Variants in PPARD observed in about 807,000 individuals in gnomAD.
The protein encoded by PPARD is peroxisome proliferator activated receptor delta.
PPARD carries 6 observed loss-of-function variants against 39.5 expected under a neutral mutation model. That is an observed-to-expected ratio of 0.15 (90% confidence interval 0.08 to 0.30). The LOEUF (loss-of-function observed/expected upper bound fraction) is 0.30, where lower values mean the gene tolerates loss of function less well. PPARD is among the 10% of genes least tolerant of loss of function. The pLI is 1.00. For missense variants in PPARD, 397 were observed against 596.8 expected (o/e 0.67, Z 3.49); for synonymous variants, 210 against 231.3 (o/e 0.91, Z 0.83).
At chr6:35,396,645 G>A (rs1403290516) in intron 2 of PPARD, among the ~76,000 whole-genome samples, 3 of 150,774 alleles carry the variant, frequency 2.0e-5, no homozygotes, top group African/African-American at 4.9e-5. Flanking sequence ...CCTGGTTAAC[G>A]TGGTGAAATC....
At chr6:35,373,749 C>A (rs1762629104) in intron 2 of PPARD, among the ~76,000 whole-genome samples, 1 of 151,926 alleles carries the variant, frequency 6.6e-6, no homozygotes, top group Non-Finnish European at 1.5e-5. Context: ...CTCACAGCAG[C>A]CCTGACCTCC....
chr6:35,411,717 A>G (rs1377860071), intron 3 of PPARD, among the ~76,000 whole-genome samples: 1 of 152,188 alleles, frequency 6.6e-6, no homozygotes, highest in Non-Finnish European at 1.5e-5. Flanking sequence ...TAGTATGAAT[A>G]ACTCAACTAA....
At chr6:35,347,259 A>T in intron 2 of PPARD, 109 bp downstream of exon 2, 1 of 1,338,054 alleles carries the variant, frequency 7.5e-7, no homozygotes, top group Non-Finnish European at 1.0e-6. Flanking sequence ...TTATTCCCAG[A>T]TTCCAGGTTC....
Position 35,396,778 on chromosome 6 carries a change from C to G in PPARD, c.-101-14209C>G, listed in dbSNP as rs190969214. On this transcript the variant is annotated intron_variant, in intron 2 of 7. Coordinates refer to ENST00000360694, the MANE Select transcript of PPARD (RefSeq NM_006238.5). Reference sequence around the variant, plus strand: ...CCAGGAGGCAGAGGTTGCAGTGAGCCGAGATTGCACCACTGCACTCCAACC... The same window carrying G: ...CCAGGAGGCAGAGGTTGCAGTGAGCGGAGATTGCACCACTGCACTCCAACC... Among the ~76,000 whole-genome samples, 644 of 151,916 alleles carry G rather than the reference C, an allele frequency of 4.2e-3. 5 individuals carry two copies. The highest frequency in any genetic ancestry group is 0.015 in the African/African-American group (617 of 41,430).
At chr6:35,362,582 A>G (rs1761985628) in intron 2 of PPARD, among the ~76,000 whole-genome samples, 1 of 152,112 alleles carries the variant, frequency 6.6e-6, no homozygotes, top group Non-Finnish European at 1.5e-5. Context: ...AGGAAGGGTA[A>G]TGCCAGGGCT....
At position 35,423,660 on chromosome 6, in the gene PPARD, T is replaced by C. The variant is rs184527848; in HGVS notation, c.425-286T>C. On this transcript the variant is annotated intron_variant, in intron 5 of 7. Transcript: ENST00000360694. ...AAAGTCTGTCTTACCCCAGCTAGCG[T>C]AGCTCAGTCACTCAGTAAGTTAGAG... Among the ~76,000 whole-genome samples, 14 of 152,152 alleles carry C rather than the reference T, an allele frequency of 9.2e-5. No individual in the cohort carries two copies. In the East Asian group the frequency reaches 2.5e-3, roughly 27 times the overall value.
chr6:35,378,809 A>T (rs138684026), intron 2 of PPARD, among the ~76,000 whole-genome samples: 65 of 152,238 alleles, frequency 4.3e-4, no homozygotes, highest in African/African-American at 1.3e-3. Context: ...CTTAACAACT[A>T]AAAAGGGCAG....
intron 2 of PPARD, among the ~76,000 whole-genome samples, chr6:35,358,525 C>T (rs1045928297): frequency 5.9e-5 from 9 of 152,164 alleles, no homozygotes; most frequent in African/African-American, 2.2e-4. Context: ...CTTGGCTGAT[C>T]CCTGTTCTTA....
At chr6:35,400,798 A>G (rs1764651593) in intron 2 of PPARD, among the ~76,000 whole-genome samples, 1 of 141,480 alleles carries the variant, frequency 7.1e-6, no homozygotes, top group Non-Finnish European at 1.6e-5. Flanking sequence ...ATCTTGTCTT[A>G]AAAAAAAAAA....
At chr6:35,354,912 T>A (rs1057078158) in intron 2 of PPARD, among the ~76,000 whole-genome samples, 11 of 152,300 alleles carry the variant, frequency 7.2e-5, no homozygotes, top group African/African-American at 2.6e-4. Flanking sequence ...GTGACTCAGC[T>A]CCAGTGTTGA....
chr6:35,365,303 TG>T (rs1168386047), intron 2 of PPARD, among the ~76,000 whole-genome samples: 2 of 148,150 alleles, frequency 1.3e-5, no homozygotes, highest in Non-Finnish European at 3.0e-5. Context: ...AGCTAATTTT[TG>T]TGTGTGTGTG....
At chr6:35,398,587 A>G (rs1309597361) in intron 2 of PPARD, among the ~76,000 whole-genome samples, 1 of 152,190 alleles carries the variant, frequency 6.6e-6, no homozygotes, top group African/African-American at 2.4e-5. Flanking sequence ...TCAGAAAGAG[A>G]TGGAGCGTAG....
rs562684157 is a variant in PPARD at position 35,381,827 on chromosome 6, A to G, written c.-101-29160A>G. ...AGCAAGGTCTGCCGCCATTCATTCA[A>G]CATTAATTTAGCACCTACAATCTAC... On this transcript the variant is annotated intron_variant, in intron 2 of 7. Coordinates refer to ENST00000360694, the MANE Select transcript of PPARD (RefSeq NM_006238.5). 7.9e-5 allele frequency among the ~76,000 whole-genome samples: 12 copies of G among 152,336 alleles called. No individual in the cohort carries two copies. The East Asian group carries it at 1.7e-3, about 22-fold the overall frequency.
chr6:35,353,307 A>C (rs1454954796), intron 2 of PPARD, among the ~76,000 whole-genome samples: 1 of 152,160 alleles, frequency 6.6e-6, no homozygotes, highest in Admixed American at 6.5e-5. Flanking sequence ...CAGTGGTCTA[A>C]ATGTAAGGAA....
chr6:35,425,472 C>A lies in PPARD; in HGVS notation c.1079-360C>A. The A allele has an allele frequency of 9.5e-7, 1 of 1,053,166 alleles. No homozygotes were observed. Among genetic ancestry groups the A allele is most frequent in the Non-Finnish European group, 1.2e-6 (1 of 837,288 alleles). 65.2% of individuals were successfully genotyped at this position (1,053,166 alleles called of 1,614,324 possible). A position where few individuals can be genotyped will look rare whatever the true frequency, so the allele number is the denominator to read the frequency against. On this transcript the variant is annotated intron_variant, in intron 7 of 7. Transcript: ENST00000360694. The surrounding 1 kb of genome is among the most constrained non-coding windows in gnomAD (Gnocchi z 4.5). Reference sequence around the variant, plus strand: ...ATGATGACTCACTTGATCCTCACAACAACCCTGTGCAGGAAGAATGTTTTG... The same window carrying A: ...ATGATGACTCACTTGATCCTCACAAAAACCCTGTGCAGGAAGAATGTTTTG...
At chr6:35,352,069 G>A (rs955156535) in intron 2 of PPARD, among the ~76,000 whole-genome samples, 5 of 151,360 alleles carry the variant, frequency 3.3e-5, no homozygotes, top group African/African-American at 1.2e-4. Flanking sequence ...AGGTCTCCCT[G>A]TGTTGTCCAG....
Position 35,355,595 on chromosome 6 carries a change from CTTCTTTTTTTTTT to C in PPARD, c.-102+8448_-102+8460del, listed in dbSNP as rs1449370075. ...AAAAAAAAAGTGCTTTCTTCTTCTT[CTTCTTTTTTTTTT>C]TTTTTTTTTTTTTTTTTTTTTGAGA... is the stretch of plus-strand genomic sequence containing the variant. On this transcript the variant is annotated intron_variant, in intron 2 of 7. Transcript: ENST00000360694. Among the ~76,000 whole-genome samples, 14 of 50,432 alleles carry C rather than the reference CTTCTTTTTTTTTT, an allele frequency of 2.8e-4. 1 individual carries two copies. In the South Asian group the frequency reaches 7.6e-3, roughly 27 times the overall value. The allele number at this position is 50,432 out of a possible 152,430, so 33.1% of individuals were successfully genotyped here.
chr6:35,425,002 G>A lies in PPARD; in HGVS notation c.1078+223G>A. The A allele has an allele frequency of 1.2e-5, 17 of 1,397,200 alleles. No individual in the cohort carries two copies. The highest frequency in any genetic ancestry group is 1.6e-5 in the Non-Finnish European group (17 of 1,076,646). 86.6% of individuals were successfully genotyped at this position (1,397,200 alleles called of 1,614,324 possible). A position where few individuals can be genotyped will look rare whatever the true frequency, so the allele number is the denominator to read the frequency against. On this transcript the variant is annotated intron_variant, in intron 7 of 7. Transcript: ENST00000360694. This position sits in a 1 kb window ranked among gnomAD's most constrained non-coding sequence, Gnocchi z 4.5. Reference sequence around the variant, plus strand: ...CAGGAAAAAGACTAAGCCAGACGTGGTGGCTCACACCTGTAATCCCAGCAC... The same window carrying A: ...CAGGAAAAAGACTAAGCCAGACGTGATGGCTCACACCTGTAATCCCAGCAC...
Position 35,379,391 on chromosome 6 carries a change from C to T in PPARD, c.-101-31596C>T, listed in dbSNP as rs138817911. Among the ~76,000 whole-genome samples the T allele has an allele frequency of 6.6e-4, 101 of 152,278 alleles. No individual in the cohort carries two copies. In the East Asian group the frequency reaches 0.015, roughly 22 times the overall value. Reference sequence around the variant, plus strand: ...TGCTGGTATTACAGGCATGAGCCACCGCGCCTGGCTTGCAGTAGGCATCTT... The same window carrying T: ...TGCTGGTATTACAGGCATGAGCCACTGCGCCTGGCTTGCAGTAGGCATCTT... On this transcript the variant is annotated intron_variant, in intron 2 of 7. Transcript: ENST00000360694.
Sources: gnomAD v4.1 joint callset for allele counts (sites outside exome capture counted in the v4.1 genomes callset) on GRCh38, gnomAD v4.1.1 for gene constraint, Gnocchi (gnomAD v3.1) non-coding constraint, MANE v1.5 for transcripts, NCBI Gene and HGNC (gene_info 2026-07-23, HGNC 2026-07-21) for gene names.